Variants in XKR4 observed in about 807,000 individuals in gnomAD.
XKR4 encodes the protein XK-related protein 4.
In XKR4, 12 loss-of-function variants were observed where a neutral mutation model predicts 53.9. The observed-to-expected ratio is 0.22, with a 90% confidence interval of 0.14 to 0.36. The LOEUF is 0.36. Among genes scored for constraint, XKR4 ranks in the 10% least tolerant of loss-of-function variants. The pLI, the probability that XKR4 is intolerant of heterozygous loss-of-function variation, is 1.00. For synonymous variants in XKR4, 354 were observed against 362.4 expected (o/e 0.98, Z 0.26); for missense variants, 799 against 859.5 (o/e 0.93, Z 0.88).
At chr8:55,439,715 A>G (rs950132639) in intron 2 of XKR4, among the ~76,000 whole-genome samples, 1 of 152,202 alleles carries the variant, frequency 6.6e-6, no homozygotes, top group Non-Finnish European at 1.5e-5. Flanking sequence ...GTCAAAATAC[A>G]TAGATGATAG....
At chr8:55,264,862 G>T (rs1818575878) in intron 1 of XKR4, among the ~76,000 whole-genome samples, 1 of 152,138 alleles carries the variant, frequency 6.6e-6, no homozygotes, top group African/African-American at 2.4e-5. Context: ...CTTTGTATTT[G>T]CTTTTGAAGA....
At chr8:55,210,233 C>T (rs1381022837) in intron 1 of XKR4, among the ~76,000 whole-genome samples, 11 of 151,958 alleles carry the variant, frequency 7.2e-5, no homozygotes, top group African/African-American at 1.7e-4. Flanking sequence ...TACAGGTGCT[C>T]GCCACCACGC....
At chr8:55,121,295 T>C (rs1188008473) in intron 1 of XKR4, among the ~76,000 whole-genome samples, 1 of 152,202 alleles carries the variant, frequency 6.6e-6, no homozygotes, top group Non-Finnish European at 1.5e-5. Context: ...ACTACCAAAC[T>C]GTCTTCCAGA....
At chr8:55,224,688 G>T (rs1817929309) in intron 1 of XKR4, among the ~76,000 whole-genome samples, 1 of 152,160 alleles carries the variant, frequency 6.6e-6, no homozygotes, top group South Asian at 2.1e-4. Flanking sequence ...TCTCAAGTGT[G>T]TTGAGGGTTA....
chr8:55,312,709 T>G (rs903236379), intron 1 of XKR4, among the ~76,000 whole-genome samples: 2 of 152,256 alleles, frequency 1.3e-5, no homozygotes, highest in South Asian at 2.1e-4. Context: ...TTTCATGAAT[T>G]TTATGAGCAT....
intron 2 of XKR4, among the ~76,000 whole-genome samples, chr8:55,362,671 T>G (rs1197890649): frequency 6.6e-6 from 1 of 152,226 alleles, no homozygotes; most frequent in African/African-American, 2.4e-5. Flanking sequence ...GACTTTTCAA[T>G]GACCCCAAGA....
intron 1 of XKR4, among the ~76,000 whole-genome samples, chr8:55,138,983 G>A (rs918794177): frequency 2.0e-5 from 3 of 152,190 alleles, no homozygotes; most frequent in Admixed American, 6.5e-5. Context: ...AAGAAATGAC[G>A]TGGCTCGTCT....
intron 2 of XKR4, among the ~76,000 whole-genome samples, chr8:55,359,412 G>T (rs1199917747): frequency 6.6e-6 from 1 of 152,162 alleles, no homozygotes; most frequent in African/African-American, 2.4e-5. Context: ...TTGAATCAAT[G>T]AATTCCCAAT....
At chr8:55,373,832 T>C (rs1458409962) in intron 2 of XKR4, among the ~76,000 whole-genome samples, 1 of 152,244 alleles carries the variant, frequency 6.6e-6, no homozygotes, top group Non-Finnish European at 1.5e-5. Context: ...TTTAATGTTT[T>C]GTGAACACAG....
chr8:55,254,001 C>T (rs943836830), intron 1 of XKR4, among the ~76,000 whole-genome samples: 16 of 151,860 alleles, frequency 1.1e-4, no homozygotes, highest in Non-Finnish European at 2.1e-4. Flanking sequence ...ATTATAGGCG[C>T]GAGCCACTGT....
chr8:55,259,026 G>A (rs1818477172), intron 1 of XKR4, among the ~76,000 whole-genome samples: 1 of 152,234 alleles, frequency 6.6e-6, no homozygotes. Context: ...GGCAGGGGAA[G>A]CTCAGGCATT....
intron 2 of XKR4, among the ~76,000 whole-genome samples, chr8:55,459,739 A>G (rs1805622045): frequency 6.6e-6 from 1 of 152,204 alleles, no homozygotes; most frequent in African/African-American, 2.4e-5. Context: ...CACACCCACT[A>G]TAATGACTGC....
intron 2 of XKR4, among the ~76,000 whole-genome samples, chr8:55,513,424 G>A (rs1266496146): frequency 6.6e-6 from 1 of 152,176 alleles, no homozygotes; most frequent in African/African-American, 2.4e-5. Flanking sequence ...ATGGTCAGGG[G>A]TGAGGCTGGG....
intron 2 of XKR4, among the ~76,000 whole-genome samples, chr8:55,363,746 T>C (rs1803934645): frequency 6.6e-6 from 1 of 152,188 alleles, no homozygotes; most frequent in South Asian, 2.1e-4. Flanking sequence ...TACCTCTGGA[T>C]TCTGCAGAGG....
intron 2 of XKR4, among the ~76,000 whole-genome samples, chr8:55,427,249 T>G (rs901297124): frequency 1.3e-5 from 2 of 152,190 alleles, no homozygotes; most frequent in Non-Finnish European, 2.9e-5. Context: ...AAAAGTATAT[T>G]AGATGATTAT....
At chr8:55,110,006 C>T (rs759612315) in intron 1 of XKR4, among the ~76,000 whole-genome samples, 21 of 152,190 alleles carry the variant, frequency 1.4e-4, no homozygotes, top group Non-Finnish European at 1.8e-4. Flanking sequence ...CATGGACTTA[C>T]TGGCTAATCT....
At chr8:55,326,452 C>T (rs546484562) in intron 1 of XKR4, among the ~76,000 whole-genome samples, 1 of 147,594 alleles carries the variant, frequency 6.8e-6, no homozygotes, top group East Asian at 2.0e-4. Context: ...ATATTCCCCT[C>T]AACTGATTTT....
At chr8:55,440,828 A>C in intron 2 of XKR4, among the ~76,000 whole-genome samples, 1 of 152,256 alleles carries the variant, frequency 6.6e-6, no homozygotes, top group South Asian at 2.1e-4. Context: ...TGATCCTAAA[A>C]CCTAAGGATT....
At chr8:55,334,130 A>G (rs1803419550) in intron 1 of XKR4, among the ~76,000 whole-genome samples, 1 of 152,198 alleles carries the variant, frequency 6.6e-6, no homozygotes, top group African/African-American at 2.4e-5. Context: ...AAACAAACCT[A>G]AGTTATAAAC....
Sources: gnomAD v4.1 joint callset for allele counts (sites outside exome capture counted in the v4.1 genomes callset) on GRCh38, gnomAD v4.1.1 for gene constraint, MANE v1.5 for transcripts, NCBI Gene and HGNC (gene_info 2026-07-23, HGNC 2026-07-21) for gene names.